MAGI2: variants seen among roughly 807,000 people sequenced by gnomAD.
The protein encoded by MAGI2 is membrane associated guanylate kinase, WW and PDZ domain containing 2, also known as membrane-associated guanylate kinase, WW and PDZ domain-containing protein 2.
Under a neutral mutation model 133.3 loss-of-function variants are expected in MAGI2, and 35 were observed. That is an observed-to-expected ratio of 0.26 (90% CI 0.20 to 0.35). The LOEUF (loss-of-function observed/expected upper bound fraction) is 0.35, where lower values mean the gene tolerates loss of function less well. MAGI2 is among the 10% of genes least tolerant of loss of function. The pLI, the probability that MAGI2 is intolerant of heterozygous loss-of-function variation, is 1.00. For missense variants in MAGI2, 1,636 were observed against 1,863.4 expected, an observed-to-expected ratio of 0.88 and a Z score of 2.25; for synonymous variants, 729 against 710.6, an observed-to-expected ratio of 1.03 and a Z score of -0.41.
chr7:78,691,451 G>C (rs1816943565), intron 2 of MAGI2, among the ~76,000 whole-genome samples: 1 of 152,158 alleles, frequency 6.6e-6, no homozygotes, highest in African/African-American at 2.4e-5. Flanking sequence ...CTGAGAAAAT[G>C]GAAAATAACA....
intron 1 of MAGI2, among the ~76,000 whole-genome samples, chr7:79,206,894 A>C (rs567730393): frequency 6.6e-6 from 1 of 152,130 alleles, no homozygotes; most frequent in South Asian, 2.1e-4. Flanking sequence ...TCTCAGGGAG[A>C]TGTAAGGATG....
chr7:78,806,579 T>TG (rs1788593687), intron 2 of MAGI2, among the ~76,000 whole-genome samples: 1 of 152,116 alleles, frequency 6.6e-6, no homozygotes, highest in Non-Finnish European at 1.5e-5. Context: ...ATAAAATTTA[T>TG]GATGGGGCCA....
chr7:78,081,535 G>C (rs1815973007), intron 20 of MAGI2, among the ~76,000 whole-genome samples: 1 of 152,186 alleles, frequency 6.6e-6, no homozygotes, highest in African/African-American at 2.4e-5. Flanking sequence ...AGGAGGTGGT[G>C]ACATATCGGT....
chr7:79,244,152 A>G (rs931092641), intron 1 of MAGI2, among the ~76,000 whole-genome samples: 1 of 152,198 alleles, frequency 6.6e-6, no homozygotes, highest in African/African-American at 2.4e-5. Context: ...GTTTTTCTCT[A>G]TTGAAACAAA....
At chr7:78,611,509 T>C (rs972952595) in intron 3 of MAGI2, among the ~76,000 whole-genome samples, 4 of 152,224 alleles carry the variant, frequency 2.6e-5, no homozygotes, top group African/African-American at 9.6e-5. Context: ...AAAGCCTTGG[T>C]TAACTGGAGC....
intron 2 of MAGI2, among the ~76,000 whole-genome samples, chr7:78,904,327 A>G (rs556269631): frequency 3.7e-4 from 57 of 152,296 alleles, no homozygotes; most frequent in African/African-American, 1.3e-3. Flanking sequence ...TAAAAATTCT[A>G]TGAAAAAAAA....
rs917304070 is a variant in MAGI2, at chr7:78,926,106, A to G, written c.418+80984T>C. 4.6e-5 allele frequency among the ~76,000 whole-genome samples: 7 copies of G among 152,002 alleles called. No homozygotes were observed. In the East Asian group the frequency reaches 5.8e-4, roughly 13 times the overall value. On this transcript the variant is annotated intron_variant, in intron 2 of 21. Coordinates refer to ENST00000354212, the MANE Select transcript of MAGI2 (RefSeq NM_012301.4). ...AACTGTTCTGTTCACCCCTACCCCA[A>G]TGTTTCTCTCCCTCATCTGTTAAGA... is the stretch of plus-strand genomic sequence containing the variant.
chr7:78,071,519 A>G (rs1814700848), intron 21 of MAGI2, among the ~76,000 whole-genome samples: 2 of 152,332 alleles, frequency 1.3e-5, no homozygotes, highest in South Asian at 4.1e-4. Context: ...CCTGGACTAC[A>G]GAGCCAGACC....
intron 2 of MAGI2, among the ~76,000 whole-genome samples, chr7:78,760,637 A>T (rs1255725404): frequency 6.6e-6 from 1 of 152,122 alleles, no homozygotes; most frequent in African/African-American, 2.4e-5. Flanking sequence ...TCTTATGGAG[A>T]AGTGGCCTAA....
At chr7:78,985,031 T>A (rs1326578384) in intron 2 of MAGI2, among the ~76,000 whole-genome samples, 2 of 151,690 alleles carry the variant, frequency 1.3e-5, no homozygotes, top group Non-Finnish European at 2.9e-5. Flanking sequence ...AGTTTGGGTC[T>A]TGTTCTGTTG....
chr7:78,113,741 T>A (rs951839205), intron 20 of MAGI2, among the ~76,000 whole-genome samples: 3 of 152,186 alleles, frequency 2.0e-5, no homozygotes, highest in African/African-American at 4.8e-5. Context: ...TTTCTCAGAA[T>A]GTATCCCTGT....
rs755005103 is a variant in MAGI2, at chr7:78,194,875, C to A, written c.2268G>T (p.Arg756Ser). The change falls in exon 12 of 22, where the codon AGG becomes AGT. Residue 756 changes from arginine to serine, a missense_variant and splice_region_variant. Coordinates refer to ENST00000354212, the MANE Select transcript of MAGI2 (RefSeq NM_012301.4). ...YEKSRAIYES[R>S]QQVPPRTSFR... is the part of the protein sequence containing the mutation. ...TTGTTTCATGTGGCTTTCACTTACG[C>A]CTACTTTCATAAATGGCCCTAGATT... 7 of 1,599,172 alleles carry A rather than the reference C, an allele frequency of 4.4e-6. No individual in the cohort carries two copies. Among genetic ancestry groups the A allele is most frequent in the Non-Finnish European group, 6.0e-6 (7 of 1,174,158 alleles).
intron 1 of MAGI2, among the ~76,000 whole-genome samples, chr7:79,110,070 T>C (rs1011705876): frequency 6.6e-6 from 1 of 152,032 alleles, no homozygotes; most frequent in Non-Finnish European, 1.5e-5. Context: ...CCATAAACCT[T>C]CATGGTTTCC....
At chr7:78,478,069 T>C (rs2362610) in intron 6 of MAGI2, among the ~76,000 whole-genome samples, 56,515 of 151,528 alleles carry the variant, frequency 0.37, 11,012 homozygotes, top group East Asian at 0.61. Flanking sequence ...GCTATCCCTC[T>C]CCTAGCTCCC....
At chr7:79,241,140 A>T (rs1323766393) in intron 1 of MAGI2, among the ~76,000 whole-genome samples, 1 of 152,152 alleles carries the variant, frequency 6.6e-6, no homozygotes, top group Non-Finnish European at 1.5e-5. Flanking sequence ...CTACCATCCC[A>T]AATTCATTGT....
chr7:78,580,331 C>G lies in MAGI2; in HGVS notation c.538+46789G>C, dbSNP rs207468104. ...ATCAAGGGGAAAATGATGACTGGCC[C>G]TCTGTGCTACAGTTCTTGAAAAGGA... On this transcript the variant is annotated intron_variant, in intron 3 of 21. Coordinates refer to ENST00000354212, the MANE Select transcript of MAGI2 (RefSeq NM_012301.4). Among the ~76,000 whole-genome samples the G allele has an allele frequency of 7.2e-5, 11 of 152,272 alleles. No homozygotes were observed. In the South Asian group the frequency reaches 2.3e-3, roughly 32 times the overall value.
At chr7:79,313,882 A>G (rs1838492010) in intron 1 of MAGI2, among the ~76,000 whole-genome samples, 1 of 151,350 alleles carries the variant, frequency 6.6e-6, no homozygotes, top group Non-Finnish European at 1.5e-5. Flanking sequence ...AGTTAACTGC[A>G]ATCTCCACCT....
intron 1 of MAGI2, among the ~76,000 whole-genome samples, chr7:79,055,471 C>T (rs1432267117): frequency 6.6e-6 from 1 of 151,962 alleles, no homozygotes; most frequent in Non-Finnish European, 1.5e-5. Context: ...ATGTGCAAAG[C>T]TATATTATGT....
chr7:78,708,393 T>A (rs1328948379), intron 2 of MAGI2, among the ~76,000 whole-genome samples: 1 of 152,140 alleles, frequency 6.6e-6, no homozygotes, highest in Non-Finnish European at 1.5e-5. Flanking sequence ...TCTGAAGCCA[T>A]CATCTTTCAA....
Sources: gnomAD v4.1 joint callset for allele counts (sites outside exome capture counted in the v4.1 genomes callset) on GRCh38, gnomAD v4.1.1 for gene constraint, MANE v1.5 for transcripts, NCBI Gene and HGNC (gene_info 2026-07-23, HGNC 2026-07-21) for gene names.